The following ANXA6 variants were observed in gnomAD, a reference collection of about 807,000 sequenced individuals.
ANXA6 encodes annexin A6.
In ANXA6, 71 loss-of-function variants were observed where a neutral mutation model predicts 95.4. That is an observed-to-expected ratio of 0.74 (90% CI 0.61 to 0.91). The LOEUF (loss-of-function observed/expected upper bound fraction) is 0.91. Among genes scored for constraint, ANXA6 ranks in the 40% least tolerant of loss-of-function variants. The probability of loss-of-function intolerance (pLI) is 0.00; values close to 1 mark genes in which losing one functional copy is unlikely to be tolerated. For missense variants in ANXA6, 830 were observed against 876.4 expected (o/e 0.95, Z 0.67); for synonymous variants, 289 against 315.9 (o/e 0.91, Z 0.90).
intron 1 of ANXA6, among the ~76,000 whole-genome samples, chr5:151,156,770 C>A (rs552650087): frequency 2.0e-4 from 30 of 152,292 alleles, no homozygotes; most frequent in African/African-American, 6.7e-4. Context: ...CTTCCCAAAT[C>A]TATAATCAAG....
chr5:151,133,700 A>C (rs548717936), intron 8 of ANXA6, among the ~76,000 whole-genome samples: 1 of 152,356 alleles, frequency 6.6e-6, no homozygotes, highest in Admixed American at 6.5e-5. Context: ...TATGTGGTAC[A>C]TGACTATACC....
At chr5:151,122,365 A>T (rs902047822) in intron 16 of ANXA6, 105 bp from the exon 17 acceptor site, 8 of 664,114 alleles carry the variant, frequency 1.2e-5, no homozygotes, top group Non-Finnish European at 2.1e-5. Flanking sequence ...ATGAGGGATC[A>T]TGGAAGCTTG....
chr5:151,156,366 G>A (rs17801675), intron 1 of ANXA6, among the ~76,000 whole-genome samples: 15,879 of 152,222 alleles, frequency 0.1, 1,453 homozygotes, highest in East Asian at 0.45. Flanking sequence ...GACTGTAACC[G>A]GGCTTTCCTC....
intron 1 of ANXA6, among the ~76,000 whole-genome samples, chr5:151,148,243 T>C (rs1225523140): frequency 3.3e-5 from 5 of 152,182 alleles, no homozygotes; most frequent in African/African-American, 1.2e-4. Context: ...TCTCAGTTAC[T>C]ACTCTCAGAA....
intron 20 of ANXA6, among the ~76,000 whole-genome samples, chr5:151,115,828 T>A (rs3805429): frequency 0.074 from 11,215 of 152,258 alleles, 530 homozygotes; most frequent in South Asian, 0.15. Flanking sequence ...GTTGGACAAC[T>A]GGACAACAAC....
chr5:151,150,944 G>C (rs1766092821), intron 1 of ANXA6: 1 of 152,284 alleles, frequency 6.6e-6, no homozygotes, highest in Non-Finnish European at 1.5e-5. Flanking sequence ...ACTTTCCTCT[G>C]GGCTTGTTGC....
At chr5:151,141,338 C>G (rs1765830935) in intron 2 of ANXA6, among the ~76,000 whole-genome samples, 2 of 152,130 alleles carry the variant, frequency 1.3e-5, no homozygotes, top group Non-Finnish European at 2.9e-5. Context: ...GAAAGGGGAC[C>G]CAATTCCTGT....
intron 17 of ANXA6, among the ~76,000 whole-genome samples, chr5:151,120,416 C>CA (rs35091535): frequency 0.34 from 44,236 of 131,654 alleles, 7,377 homozygotes; most frequent in South Asian, 0.4. Flanking sequence ...GCTACAACTA[C>CA]AAAAAAAAAA....
intron 23 of ANXA6, 134 bp from the exon 24 acceptor site, chr5:151,105,437 T>C: frequency 1.3e-6 from 1 of 754,930 alleles, no homozygotes; most frequent in Non-Finnish European, 2.3e-6. Context: ...CCCAGGGTCA[T>C]GCTCAGACGA....
chr5:151,108,458 T>C lies in ANXA6; in HGVS notation c.1777A>G (p.Ile593Val). Residue 593 changes from isoleucine to valine, a missense_variant, in exon 23 of 26, where the codon ATT (isoleucine) becomes GTT (valine). By Grantham distance (29) the Ile-to-Val change is conservative (BLOSUM62 3). Transcript: ENST00000354546. ...SGDVRDAFVA[I>V]VQSVKNKPLF... ...TCCCTTAGTCCCTGCCAGTTACCAA[T>C]GGCCACAAATGCATCCCTGACATCC... 2.5e-6 allele frequency: 4 copies of C among 1,613,754 alleles called. No individual in the cohort carries two copies. The highest frequency in any genetic ancestry group is 2.2e-5 in the South Asian group (2 of 91,084).
chr5:151,151,831 C>A (rs1284468465), intron 1 of ANXA6, among the ~76,000 whole-genome samples: 1 of 152,220 alleles, frequency 6.6e-6, no homozygotes, highest in Non-Finnish European at 1.5e-5. Context: ...TCATTCCAGA[C>A]CTGTGCCTCT....
chr5:151,107,986 T>C (rs1581977115), intron 23 of ANXA6, among the ~76,000 whole-genome samples: 1 of 151,230 alleles, frequency 6.6e-6, no homozygotes, highest in South Asian at 2.1e-4. Context: ...CTTGTGGGGG[T>C]GTAGCATGTA....
At chr5:151,139,332 C>T (rs993901270) in intron 4 of ANXA6, 21 bp downstream of exon 4, 4 of 880,334 alleles carry the variant, frequency 4.5e-6, no homozygotes, top group Non-Finnish European at 3.0e-6. Flanking sequence ...ACCCCATGGG[C>T]CCTCCGGTTG....
chr5:151,119,282 C>G lies in ANXA6; in HGVS notation c.1438+18G>C. ...TGGCTGTTCTCCCAGCATCTGGGCC[C>G]AGGCCTCCCAAACTCACCCTCCTTA... On this transcript the variant is annotated intron_variant, in intron 18 of 25. Transcript: ENST00000354546. 1 of 1,608,604 alleles carries G rather than the reference C, an allele frequency of 6.2e-7. No homozygotes were observed. The highest frequency in any genetic ancestry group is 8.5e-7 in the Non-Finnish European group (1 of 1,176,374).
chr5:151,107,241 G>C (rs369721633), intron 23 of ANXA6, among the ~76,000 whole-genome samples: 1 of 152,220 alleles, frequency 6.6e-6, no homozygotes, highest in Non-Finnish European at 1.5e-5. Context: ...AAGAGGCACC[G>C]TTCCAAGTGC....
intron 12 of ANXA6, 21 bp downstream of exon 12, chr5:151,129,386 G>GC (rs1398560492): frequency 6.2e-7 from 1 of 1,612,610 alleles, no homozygotes; most frequent in Non-Finnish European, 8.5e-7. Context: ...TCCCTTCTCT[G>GC]CCCCCATGAG....
intron 24 of ANXA6, 73 bp downstream of exon 24, chr5:151,105,172 T>C: frequency 1.5e-6 from 2 of 1,366,810 alleles, no homozygotes; most frequent in Non-Finnish European, 2.1e-6. Flanking sequence ...TGGGGGATGG[T>C]GCACATCTGT....
In ANXA6 at chr5:151,112,241, T is replaced by G. The variant is rs565136071; in HGVS notation, c.1573-1597A>C. Among the ~76,000 whole-genome samples, 3 of 152,266 alleles carry G rather than the reference T, an allele frequency of 2.0e-5. No homozygotes were observed. The South Asian group carries it at 6.2e-4, about 32-fold the overall frequency. On this transcript the variant is annotated intron_variant, in intron 20 of 25. Coordinates refer to ENST00000354546, the MANE Select transcript of ANXA6 (RefSeq NM_001155.5). Reference sequence around the variant, plus strand: ...TGATAAGGAGAGTTTCCATTTAAATTAAGTAAAGAAGTAAAGTATAGCATA... The same window carrying G: ...TGATAAGGAGAGTTTCCATTTAAATGAAGTAAAGAAGTAAAGTATAGCATA...
At chr5:151,107,347 CAG>C (rs1485357379) in intron 23 of ANXA6, among the ~76,000 whole-genome samples, 2 of 152,218 alleles carry the variant, frequency 1.3e-5, no homozygotes, top group African/African-American at 2.4e-5. Flanking sequence ...AATTGAGACA[CAG>C]AGGTTTTGTG....
Sources: allele counts gnomAD v4.1 joint callset (sites outside exome capture counted in the v4.1 genomes callset), GRCh38; gene constraint gnomAD v4.1.1; transcripts MANE v1.5; gene names NCBI Gene and HGNC (gene_info 2026-07-23, HGNC 2026-07-21).